The following GTF3A variants were observed in gnomAD, a reference collection of about 807,000 sequenced individuals.
GTF3A encodes the protein general transcription factor IIIA.
A neutral mutation model predicts 37.6 loss-of-function variants in GTF3A; 40 were observed. The ratio of observed to expected loss-of-function variants is 1.06; its 90% CI spans 0.83 to 1.38. GTF3A has a LOEUF of 1.38. GTF3A is among the 40% of genes most tolerant of loss of function. The pLI, the probability that GTF3A is intolerant of heterozygous loss-of-function variation, is 0.00. For synonymous variants in GTF3A, 191 were observed against 166.7 expected, an observed-to-expected ratio of 1.15 and a Z score of -1.12; for missense variants, 500 against 462.6, an observed-to-expected ratio of 1.08 and a Z score of -0.74.
rs113169423 is a variant in GTF3A at position 27,426,639 on chromosome 13, T to C, written c.202-453T>C. ...GTGACACACTTTCCTATAGCTGTGC[T>C]TGGCATTATCCTAGCACAGACCCTG... is the stretch of plus-strand genomic sequence containing the variant. On this transcript the variant is annotated intron_variant, in intron 1 of 8. Coordinates refer to ENST00000381140, the MANE Select transcript of GTF3A (RefSeq NM_002097.3). Among the ~76,000 whole-genome samples, 292 of 152,356 alleles carry C rather than the reference T, an allele frequency of 1.9e-3. 1 individual carries two copies. Among genetic ancestry groups the C allele is most frequent in the African/African-American group, 6.7e-3 (280 of 41,584 alleles).
Position 27,429,961 on chromosome 13 carries a change from TATATA to T in GTF3A, c.395_399del (p.Tyr132LeufsTer4). 1 of 1,465,378 alleles carries T rather than the reference TATATA, an allele frequency of 6.8e-7. No homozygotes were observed. Among genetic ancestry groups the T allele is most frequent in the Non-Finnish European group, 9.2e-7 (1 of 1,082,818 alleles). The allele number at this position is 1,465,378 out of a possible 1,614,324, so 90.8% of individuals were successfully genotyped here. A position where few individuals can be genotyped will look rare whatever the true frequency, so the allele number is the denominator to read the frequency against. The stretch of plus-strand genomic sequence containing the variant: ...CAAACATGAAAATCAACAAAAACAA[TATATA>T]GTAAGTATGATTTTATATGCTTAAA... On this transcript the variant is annotated frameshift_variant and splice_region_variant, in exon 3 of 9. Coordinates refer to ENST00000381140, the MANE Select transcript of GTF3A (RefSeq NM_002097.3). LOFTEE classifies it high-confidence loss of function.
rs150367571 is a variant in GTF3A, at chr13:27,435,409, C to T, written c.934-24C>T. 419 of 1,602,388 alleles carry T rather than the reference C, an allele frequency of 2.6e-4. 1 individual carries two copies. The African/African-American group carries it at 4.8e-3, about 18-fold the overall frequency. ...GACAGTTTTGATTTTGAATTCTAAT[C>T]GTGTGTCTTCCTTATTCCCAAAGGT... On this transcript the variant is annotated intron_variant, in intron 8 of 8. Coordinates refer to ENST00000381140, the MANE Select transcript of GTF3A (RefSeq NM_002097.3).
At position 27,434,179 on chromosome 13, in the gene GTF3A, A is replaced by G. The variant is rs1266320744; in HGVS notation, c.603A>G (p.Thr201=). ...AAGGATGTTCCTTTGTGGCAAAAACATGGACGGAACTTCTGAAACATGTGA... is the reference window on the plus strand; with the variant it reads ...AAGGATGTTCCTTTGTGGCAAAAACGTGGACGGAACTTCTGAAACATGTGA... Residue 201 remains threonine (T), a synonymous_variant, in exon 6 of 9, where the codon ACA becomes ACG. Transcript: ENST00000381140. The G allele has an allele frequency of 2.1e-6, 3 of 1,426,290 alleles. No individual in the cohort carries two copies. The highest frequency in any genetic ancestry group is 1.1e-5 in the South Asian group (1 of 87,418). The allele number at this position is 1,426,290 out of a possible 1,614,324, so 88.4% of individuals were successfully genotyped here. A position where few individuals can be genotyped will look rare whatever the true frequency, so the allele number is the denominator to read the frequency against.
At position 27,434,213 on chromosome 13, in the gene GTF3A, C is replaced by A; in HGVS notation, c.637C>A (p.His213Asn). 1 of 1,236,658 alleles carries A rather than the reference C, an allele frequency of 8.1e-7. No individual in the cohort carries two copies. The highest frequency in any genetic ancestry group is 1.2e-6 in the Non-Finnish European group (1 of 835,218). The allele number at this position is 1,236,658 out of a possible 1,614,324, so 76.6% of individuals were successfully genotyped here. The change falls in exon 6 of 9, where the codon CAT becomes AAT. Residue 213 changes from histidine to asparagine, a missense_variant. Transcript: ENST00000381140. ...ACTTCTGAAACATGTGAGAGAAACC[C>A]ATAAAGGTAAGGCAGGCATGAATGG...
chr13:27,434,815 A>G lies in GTF3A; in HGVS notation c.654A>G (p.Leu218=), dbSNP rs771856647. ...TGTCTGTCCCACCAGAGGAAATACT[A>G]TGTGAAGTATGCCGGAAAACATTTA... is the stretch of plus-strand genomic sequence containing the variant. Residue 218 remains leucine (L), a synonymous_variant, in exon 7 of 9, where the codon CTA becomes CTG. Transcript: ENST00000381140. The G allele has an allele frequency of 1.9e-6, 3 of 1,604,768 alleles. No homozygotes were observed. Among genetic ancestry groups the G allele is most frequent in the Non-Finnish European group, 2.6e-6 (3 of 1,172,320 alleles).
In GTF3A at chr13:27,435,589, C is replaced by T. The variant is rs771533982; in HGVS notation, c.1090C>T (p.Leu364Phe). ...GCTCTCGACAGTTGCAGTACTTACC[C>T]TTGGCTAAGAACTGCACTGCTTTGT... is the stretch of plus-strand genomic sequence containing the variant. The change falls in exon 9 of 9, where the codon CTT (leucine) becomes TTT (phenylalanine). Residue 364 changes from leucine to phenylalanine, a missense_variant. Physicochemically the swap from Leu to Phe is conservative, Grantham distance 22 (BLOSUM62 0). Transcript: ENST00000381140. 1 of 1,613,666 alleles carries T rather than the reference C, an allele frequency of 6.2e-7. No individual in the cohort carries two copies. The highest frequency in any genetic ancestry group is 1.7e-5 in the Admixed American group (1 of 60,016).
rs77207381 is a variant in GTF3A, at chr13:27,434,949, T to C, written c.788T>C (p.Leu263Pro). The change falls in exon 7 of 9, where the codon CTC becomes CCC. Residue 263 changes from leucine (L) to proline (P), a missense_variant. Physicochemically the swap from Leu to Pro is moderately conservative, Grantham distance 98. Transcript: ENST00000381140. ...AGAACCTATACAACTGTGTTTAATCTCCAAAGCCATATCCTCTCCTTCCAT... is the reference window on the plus strand; with the variant it reads ...AGAACCTATACAACTGTGTTTAATCCCCAAAGCCATATCCTCTCCTTCCAT... The C allele has an allele frequency of 6.2e-7, 1 of 1,611,492 alleles. No individual in the cohort carries two copies. The highest frequency in any genetic ancestry group is 8.5e-7 in the Non-Finnish European group (1 of 1,177,626).
chr13:27,424,766 C>A lies in GTF3A; in HGVS notation c.29C>A (p.Ser10Ter). Reference sequence around the variant, plus strand: ...GATCCGCCGGCCGTGGTCGCCGAGTCGGTGTCGTCCTTGACCATCGCCGAC... The same window carrying A: ...GATCCGCCGGCCGTGGTCGCCGAGTAGGTGTCGTCCTTGACCATCGCCGAC... The change falls in exon 1 of 9, where the codon TCG becomes TAG. Residue 10 changes from serine to a stop codon, truncating the protein, a stop_gained. Transcript: ENST00000381140. LOFTEE classifies it high-confidence loss of function. 6.7e-7 allele frequency: 1 copy of A among 1,499,080 alleles called. No homozygotes were observed. Among genetic ancestry groups the A allele is most frequent in the South Asian group, 1.3e-5 (1 of 78,984 alleles). The allele number at this position is 1,499,080 out of a possible 1,614,324, so 92.9% of individuals were successfully genotyped here. A position where few individuals can be genotyped will look rare whatever the true frequency, so the allele number is the denominator to read the frequency against.
At chr13:27,428,748 C>T (rs76790205) in intron 2 of GTF3A, among the ~76,000 whole-genome samples, 20,174 of 152,240 alleles carry the variant, frequency 0.13, 1,767 homozygotes, top group Non-Finnish European at 0.18. Flanking sequence ...ACAAGATGGG[C>T]TCTTTGTCTT....
chr13:27,424,882 G>C lies in GTF3A; in HGVS notation c.145G>C (p.Ala49Pro). The C allele has an allele frequency of 6.5e-7, 1 of 1,549,790 alleles. No homozygotes were observed. Among genetic ancestry groups the C allele is most frequent in the Middle Eastern group, 1.7e-4 (1 of 5,992 alleles). The change falls in exon 1 of 9, where the codon GCC becomes CCC. Residue 49 changes from alanine to proline, a missense_variant. Coordinates refer to ENST00000381140, the MANE Select transcript of GTF3A (RefSeq NM_002097.3). The stretch of plus-strand genomic sequence containing the variant: ...CATCTGCTCCTTCCCTGACTGCAGC[G>C]CCAATTACAGCAAAGCCTGGAAGCT...
intron 6 of GTF3A, 44 bp downstream of exon 6, chr13:27,434,263 C>G (rs753410625): frequency 1.2e-6 from 1 of 809,394 alleles, no homozygotes; most frequent in Admixed American, 1.7e-5. Context: ...ATGTTTGTCC[C>G]CACAGAACTG....
At chr13:27,434,103 T>C (rs772344476) in intron 5 of GTF3A, 36 bp from the exon 6 acceptor site, 2 of 820,008 alleles carry the variant, frequency 2.4e-6, no homozygotes, top group African/African-American at 3.3e-5. Flanking sequence ...TTACACTGAG[T>C]ATTCATGACA....
chr13:27,432,812 C>A lies in GTF3A; in HGVS notation c.562+8C>A. ...ATGCCAAGGCCCACGAGGGTGTGTA[C>A]GGATAGCCTGGGTGTGCTCCGAGGG... On this transcript the variant is annotated splice_region_variant and intron_variant, in intron 5 of 8. Transcript: ENST00000381140. The A allele has an allele frequency of 6.3e-7, 1 of 1,594,050 alleles. No individual in the cohort carries two copies. The highest frequency in any genetic ancestry group is 1.8e-5 in the Admixed American group (1 of 57,138).
chr13:27,433,724 CGAG>C (rs1953680979), intron 5 of GTF3A, among the ~76,000 whole-genome samples: 1 of 151,858 alleles, frequency 6.6e-6, no homozygotes, highest in Admixed American at 6.6e-5. Flanking sequence ...AAAATAGAGG[CGAG>C]GATAGAGCAG....
chr13:27,425,161 T>TCCC, intron 1 of GTF3A: 2 of 491,844 alleles, frequency 4.1e-6, no homozygotes, highest in South Asian at 6.4e-5. Flanking sequence ...AAGCAGTCAT[T>TCCC]GATCGTGAGT....
intron 2 of GTF3A, among the ~76,000 whole-genome samples, chr13:27,428,587 C>T (rs9507893): frequency 0.22 from 34,020 of 152,104 alleles, 4,059 homozygotes; most frequent in Non-Finnish European, 0.26. Flanking sequence ...AACCAGCCCC[C>T]TCTCCAAGTG....
chr13:27,434,692 G>A, intron 6 of GTF3A, 113 bp from the exon 7 acceptor site: 1 of 635,234 alleles, frequency 1.6e-6, no homozygotes, highest in Non-Finnish European at 2.8e-6. Flanking sequence ...TTTCTGATTT[G>A]TATATAGTGA....
chr13:27,431,616 T>C (rs1953657478), intron 4 of GTF3A, among the ~76,000 whole-genome samples: 1 of 145,240 alleles, frequency 6.9e-6, no homozygotes, highest in South Asian at 2.3e-4. Flanking sequence ...TCATAAACTT[T>C]GGGGACTTGG....
At chr13:27,426,471 T>C (rs1439220334) in intron 1 of GTF3A, 2 of 152,222 alleles carry the variant, frequency 1.3e-5, no homozygotes, top group Middle Eastern at 3.2e-3. Context: ...GGTTATTTGG[T>C]TATTTGGGGT....
Sources: gnomAD v4.1 joint callset for allele counts (sites outside exome capture counted in the v4.1 genomes callset) on GRCh38, gnomAD v4.1.1 for gene constraint, MANE v1.5 for transcripts, NCBI Gene and HGNC (gene_info 2026-07-23, HGNC 2026-07-21) for gene names.